Variants in GDPD2 observed in about 807,000 individuals in gnomAD.
GDPD2 encodes the protein glycerophosphodiester phosphodiesterase domain containing 2, also known as glycerophosphodiester phosphodiesterase 3.
A neutral mutation model predicts 49.2 loss-of-function variants in GDPD2; 23 were observed. The observed-to-expected ratio is 0.47, with a 90% CI of 0.34 to 0.66. GDPD2 has a LOEUF of 0.66. Among genes scored for constraint, GDPD2 ranks in the 30% least tolerant of loss-of-function variants. The pLI is 0.01. For synonymous variants in GDPD2, 167 were observed against 171.4 expected (o/e 0.97, Z 0.20); for missense variants, 338 against 424.7 (o/e 0.80, Z 1.79).
chrX:70,431,922 A>C (rs1039988375), intron 12 of GDPD2, among the ~76,000 whole-genome samples: 8 of 111,837 alleles, frequency 7.2e-5, no homozygotes, highest in Non-Finnish European at 1.5e-4. Flanking sequence ...CCATATTTTC[A>C]AAGGAACATT....
At chrX:70,426,801 C>T in intron 7 of GDPD2, 60 bp downstream of exon 7, 1 of 1,179,647 alleles carries the variant, frequency 8.5e-7, no homozygotes. Context: ...CACCTGCACT[C>T]TGCCTTCCAT....
chrX:70,429,376 T>C (rs2086454220), intron 10 of GDPD2, 117 bp from the exon 11 acceptor site: 1 of 499,120 alleles, frequency 2.0e-6, no homozygotes, highest in East Asian at 3.6e-5. Context: ...AAAAAGGCCC[T>C]GGCTCAGAGG....
chrX:70,427,702 G>A (rs989509077), intron 10 of GDPD2: 14 of 318,535 alleles, frequency 4.4e-5, no homozygotes, highest in African/African-American at 2.3e-4. Context: ...AGGAGAGGAT[G>A]AAAGTCTTCT....
At chrX:70,424,668 G>A (rs1396553655) in intron 1 of GDPD2, among the ~76,000 whole-genome samples, 1 of 112,596 alleles carries the variant, frequency 8.9e-6, no homozygotes, top group Non-Finnish European at 1.9e-5. Context: ...GTTAAATGGG[G>A]AGGAGCTGGA....
At chrX:70,425,697 A>ACCCCC in intron 3 of GDPD2, 66 bp from the exon 4 acceptor site, 1 of 383,034 alleles carries the variant, frequency 2.6e-6, no homozygotes, top group Admixed American at 3.7e-5. Flanking sequence ...CACCCACCCC[A>ACCCCC]CCTCCCCTCA....
chrX:70,428,917 A>G (rs919027788), intron 10 of GDPD2, among the ~76,000 whole-genome samples: 3 of 112,061 alleles, frequency 2.7e-5, no homozygotes, highest in South Asian at 3.7e-4. Flanking sequence ...GAATAACACT[A>G]GGGGGAATGG....
intron 12 of GDPD2, chrX:70,431,220 C>A: frequency 1.6e-6 from 1 of 606,340 alleles, no homozygotes; most frequent in Non-Finnish European, 2.6e-6. Context: ...ATATCAGCTG[C>A]TAATCAACTG....
In GDPD2 at chrX:70,429,662, T is replaced by C; in HGVS notation, c.1106T>C (p.Phe369Ser). Reference sequence around the variant, plus strand: ...CAGAACCACACATACTATGACACTTTTGTGATCCAGACATTGGAGACTGTG... The same window carrying C: ...CAGAACCACACATACTATGACACTTCTGTGATCCAGACATTGGAGACTGTG... ...PPQNHTYYDT[F>S]VIQTLETVLN... is the part of the protein sequence containing the mutation. Residue 369 changes from phenylalanine to serine, a missense_variant, in exon 11 of 16, where the codon TTT (phenylalanine) becomes TCT (serine). Coordinates refer to ENST00000374382, the MANE Select transcript of GDPD2 (RefSeq NM_017711.4). 2 of 1,210,443 alleles carry C rather than the reference T, an allele frequency of 1.7e-6. No homozygotes were observed. Among genetic ancestry groups the C allele is most frequent in the Non-Finnish European group, 2.2e-6 (2 of 894,699 alleles).
chrX:70,426,536 G>A (rs1226366482), intron 6 of GDPD2, 67 bp downstream of exon 6: 5 of 1,072,251 alleles, frequency 4.7e-6, no homozygotes, highest in East Asian at 3.1e-5. Flanking sequence ...AACATATCTC[G>A]CTCCTGTTCC....
intron 1 of GDPD2, among the ~76,000 whole-genome samples, 153 bp downstream of exon 1, chrX:70,423,535 C>G (rs936617668): frequency 8.9e-6 from 1 of 111,831 alleles, no homozygotes; most frequent in African/African-American, 3.2e-5. Context: ...TGATCCCATC[C>G]TACAGGCAGC....
Position 70,429,973 on chromosome X carries a change from G to A in GDPD2, c.1217G>A (p.Arg406His), listed in dbSNP as rs777943165. 2.1e-5 allele frequency: 25 copies of A among 1,207,968 alleles called. No homozygotes were observed. The East Asian group carries it at 3.3e-4, about 16-fold the overall frequency. ...ANVQRRAPGM[R>H]QIYGRQGGNR... Reference sequence around the variant, plus strand: ...GTCCAACGACGGGCACCTGGAATGCGCCAGATATATGGACGTCAGGGAGGC... The same window carrying A: ...GTCCAACGACGGGCACCTGGAATGCACCAGATATATGGACGTCAGGGAGGC... The change falls in exon 12 of 16, where the codon CGC (arginine) becomes CAC (histidine). Residue 406 changes from arginine to histidine, a missense_variant. Transcript: ENST00000374382.
intron 14 of GDPD2, 76 bp downstream of exon 14, chrX:70,432,737 C>T: frequency 1.3e-6 from 1 of 787,945 alleles, no homozygotes; most frequent in Non-Finnish European, 2.0e-6. Context: ...TTCAGACTCA[C>T]ATATGCTGCC....
intron 10 of GDPD2, 84 bp from the exon 11 acceptor site, chrX:70,429,409 T>G (rs755147201): frequency 1.7e-6 from 1 of 587,614 alleles, no homozygotes; most frequent in African/African-American, 2.3e-5. Flanking sequence ...GGACACCAAG[T>G]GGAAGATATG....
chrX:70,430,960 T>TTG (rs1275818886), intron 12 of GDPD2: 2 of 436,740 alleles, frequency 4.6e-6, no homozygotes, highest in East Asian at 7.6e-5. Flanking sequence ...CTATTTTTTT[T>TTG]TTTTTTTTTT....
chrX:70,430,223 C>T (rs762769072), intron 12 of GDPD2, among the ~76,000 whole-genome samples, 160 bp downstream of exon 12: 1 of 112,587 alleles, frequency 8.9e-6, no homozygotes, highest in Non-Finnish European at 1.9e-5. Flanking sequence ...TTTGGGGAAA[C>T]AACACAGATA....
At chrX:70,423,997 G>A (rs1159574643) in intron 1 of GDPD2, among the ~76,000 whole-genome samples, 1 of 111,568 alleles carries the variant, frequency 9.0e-6, no homozygotes, top group Non-Finnish European at 1.9e-5. Flanking sequence ...GTGCTGTCGC[G>A]TGCAAATGCT....
At chrX:70,425,553 C>T in intron 3 of GDPD2, 96 bp downstream of exon 3, 3 of 615,672 alleles carry the variant, frequency 4.9e-6, no homozygotes, top group East Asian at 3.2e-5. Context: ...ATCCCCCAGC[C>T]CTGCCCAGCT....
In GDPD2 at chrX:70,426,431, T is replaced by C. The variant is rs2086424827; in HGVS notation, c.424T>C (p.Trp142Arg). 1.7e-6 allele frequency: 2 copies of C among 1,211,434 alleles called. No homozygotes were observed. The highest frequency in any genetic ancestry group is 1.7e-5 in the African/African-American group (1 of 57,877). ...TGGCCTTGTGGGACTGGACATCCAATGGCAGCAGGAGTGGCATAGCTTGCG... is the reference window on the plus strand; with the variant it reads ...TGGCCTTGTGGGACTGGACATCCAACGGCAGCAGGAGTGGCATAGCTTGCG... ...AAGLVGLDIQ[W>R]QQEWHSLRVS... The change falls in exon 6 of 16, where the codon TGG (tryptophan) becomes CGG (arginine). Residue 142 changes from tryptophan (W) to arginine (R), a missense_variant. Physicochemically the swap from Trp to Arg is moderately radical, Grantham distance 101 (BLOSUM62 -3). This residue lies in a region of GDPD2 where 253 missense variants were observed against 330.4 expected (regional missense o/e 0.77). Coordinates refer to ENST00000374382, the MANE Select transcript of GDPD2 (RefSeq NM_017711.4).
intron 10 of GDPD2, among the ~76,000 whole-genome samples, chrX:70,428,906 G>T (rs72628869): frequency 8.9e-6 from 1 of 112,028 alleles, no homozygotes; most frequent in East Asian, 2.8e-4. Context: ...GCAGAGGCTT[G>T]GAATAACACT....
Sources: gnomAD v4.1 joint callset for allele counts (sites outside exome capture counted in the v4.1 genomes callset) on GRCh38, gnomAD v4.1.1 for gene constraint, gnomAD v4.1.1 regional missense constraint, MANE v1.5 for transcripts, NCBI Gene and HGNC (gene_info 2026-07-23, HGNC 2026-07-21) for gene names.